The following SAMD5 variants were observed in gnomAD, a reference collection of about 807,000 sequenced individuals.
SAMD5 encodes the protein sterile alpha motif domain containing 5, also known as sterile alpha motif domain-containing protein 5.
Under a neutral mutation model 11.3 loss-of-function variants are expected in SAMD5, and 13 were observed. The observed-to-expected ratio is 1.15, with a 90% CI of 0.75 to 1.83. The LOEUF (loss-of-function observed/expected upper bound fraction) is 1.83. Ranked by LOEUF, SAMD5 falls within the 40% of genes most tolerant of loss-of-function variation. The probability of loss-of-function intolerance (pLI) is 0.00; values close to 1 mark genes in which losing one functional copy is unlikely to be tolerated. For synonymous variants in SAMD5, 129 were observed against 111.3 expected (o/e 1.16, Z -1.00); for missense variants, 255 against 239.1 (o/e 1.07, Z -0.44).
At chr6:147,941,955 C>A in the SAMD5 span, among the ~76,000 whole-genome samples, 2 of 152,102 alleles carry the variant, frequency 1.3e-5, no homozygotes, top group Admixed American at 6.5e-5. Context: ...CTCACTGCAA[C>A]CTCTGCTTCC....
At chr6:147,537,890 A>G (rs1415023834) in intron 1 of SAMD5, among the ~76,000 whole-genome samples, 1 of 152,196 alleles carries the variant, frequency 6.6e-6, no homozygotes, top group Non-Finnish European at 1.5e-5. Context: ...CCATTTACCC[A>G]AAGGAGAAAA....
the SAMD5 span, among the ~76,000 whole-genome samples, chr6:147,881,989 C>T: frequency 6.6e-6 from 1 of 152,172 alleles, no homozygotes; most frequent in Admixed American, 6.5e-5. Flanking sequence ...TCTTCTCAGA[C>T]TTCCAGGCTC....
chr6:147,702,240 T>G (rs1360453734), intron 1 of SAMD5, among the ~76,000 whole-genome samples: 1 of 152,208 alleles, frequency 6.6e-6, no homozygotes, highest in African/African-American at 2.4e-5. Flanking sequence ...GCCCCCATGA[T>G]TCAGTTACCT....
At chr6:147,722,427 G>C (rs118093307) in intron 1 of SAMD5, among the ~76,000 whole-genome samples, 2 of 152,054 alleles carry the variant, frequency 1.3e-5, no homozygotes, top group East Asian at 3.9e-4. Context: ...TTATGCCCTC[G>C]TCATCCATCC....
intron 1 of SAMD5, among the ~76,000 whole-genome samples, chr6:147,609,953 T>A (rs1789758156): frequency 6.6e-6 from 1 of 152,238 alleles, no homozygotes; most frequent in Admixed American, 6.5e-5. Context: ...TAATTTTTTT[T>A]AACAGTCTAG....
At chr6:147,603,056 A>C (rs1176477534) in intron 1 of SAMD5, among the ~76,000 whole-genome samples, 2 of 152,224 alleles carry the variant, frequency 1.3e-5, no homozygotes, top group Non-Finnish European at 2.9e-5. Context: ...TATAATTTTA[A>C]GGCCATGTAA....
intron 1 of SAMD5, among the ~76,000 whole-genome samples, chr6:147,589,767 G>C (rs1236340813): frequency 6.6e-6 from 1 of 152,124 alleles, no homozygotes; most frequent in African/African-American, 2.4e-5. Flanking sequence ...TGTTAGCAAT[G>C]GTTATTAGTG....
the SAMD5 span, among the ~76,000 whole-genome samples, chr6:147,929,887 G>A: frequency 3.3e-5 from 5 of 152,268 alleles, no homozygotes; most frequent in South Asian, 1.0e-3. Context: ...GTTTGATTCT[G>A]GGTTAAGTTA....
At chr6:147,867,817 G>A in the SAMD5 span, among the ~76,000 whole-genome samples, 1 of 152,128 alleles carries the variant, frequency 6.6e-6, no homozygotes, top group African/African-American at 2.4e-5. Context: ...GTCCCAAATA[G>A]TCAGCTTAAA....
Position 147,564,601 on chromosome 6 carries a change from GA to G in SAMD5, c.*147del. 1 of 1,448,462 alleles carries G rather than the reference GA, an allele frequency of 6.9e-7. No individual in the cohort carries two copies. The highest frequency in any genetic ancestry group is 2.4e-5 in the East Asian group (1 of 40,922). 89.7% of individuals were successfully genotyped at this position (1,448,462 alleles called of 1,614,324 possible). On this transcript the variant is annotated 3_prime_UTR_variant, in exon 2 of 2. Coordinates refer to ENST00000367474, the MANE Select transcript of SAMD5 (RefSeq NM_001030060.3). ...TAACTTTTTGCTTGGACAAATTCTG[GA>G]ATAATCAACTTAGTAAACTGGGTAA...
chr6:147,884,640 A>G, the SAMD5 span, among the ~76,000 whole-genome samples: 1 of 104,514 alleles, frequency 9.6e-6, no homozygotes, highest in Admixed American at 1.0e-4. Context: ...ATAGATTTTA[A>G]AAAACTTTCA....
chr6:147,559,618 A>G (rs1392006918), intron 1 of SAMD5, among the ~76,000 whole-genome samples: 4 of 152,204 alleles, frequency 2.6e-5, no homozygotes, highest in Non-Finnish European at 4.4e-5. Context: ...TTCACTTACT[A>G]AGGACACACC....
chr6:147,653,302 T>G (rs1790516755), intron 1 of SAMD5, among the ~76,000 whole-genome samples: 1 of 152,218 alleles, frequency 6.6e-6, no homozygotes, highest in Non-Finnish European at 1.5e-5. Context: ...GGTTACCTTA[T>G]TATTTGTTTT....
chr6:147,656,051 A>G (rs1038191816), intron 1 of SAMD5, among the ~76,000 whole-genome samples: 2 of 152,216 alleles, frequency 1.3e-5, no homozygotes, highest in African/African-American at 4.8e-5. Flanking sequence ...AAAATCCAGT[A>G]TAAAATAAAG....
At chr6:147,720,444 CAG>C (rs1233679551) in intron 1 of SAMD5, among the ~76,000 whole-genome samples, 1 of 141,706 alleles carries the variant, frequency 7.1e-6, no homozygotes, top group Non-Finnish European at 1.6e-5. Flanking sequence ...GCCTGGGCGA[CAG>C]AGCGAGACTC....
chr6:147,858,148 G>A, the SAMD5 span, among the ~76,000 whole-genome samples: 1 of 152,104 alleles, frequency 6.6e-6, no homozygotes, highest in Admixed American at 6.6e-5. Context: ...GAGGGGATCT[G>A]TAGCCCCCTA....
the SAMD5 span, among the ~76,000 whole-genome samples, chr6:147,861,019 G>T: frequency 6.6e-6 from 1 of 152,180 alleles, no homozygotes; most frequent in Non-Finnish European, 1.5e-5. Context: ...AGGCTCAACA[G>T]TTGCAAAAGG....
chr6:147,690,172 T>C (rs9497841), intron 1 of SAMD5, among the ~76,000 whole-genome samples: 18,921 of 152,194 alleles, frequency 0.12, 1,389 homozygotes, highest in South Asian at 0.22. Context: ...AAAATTAGGA[T>C]ATCTATTTTT....
chr6:147,600,886 A>T (rs911797869), intron 1 of SAMD5, among the ~76,000 whole-genome samples: 1 of 152,234 alleles, frequency 6.6e-6, no homozygotes, highest in Admixed American at 6.5e-5. Context: ...ATGCTGCTGT[A>T]GCAGTTCTAC....
Sources: gnomAD v4.1 joint callset for allele counts (sites outside exome capture counted in the v4.1 genomes callset) on GRCh38, gnomAD v4.1.1 for gene constraint, MANE v1.5 for transcripts, NCBI Gene and HGNC (gene_info 2026-07-23, HGNC 2026-07-21) for gene names.